The following KIAA1549L variants were observed in gnomAD, a reference collection of about 807,000 sequenced individuals.
The protein encoded by KIAA1549L is KIAA1549 like.
In KIAA1549L, 88 loss-of-function variants were observed where a neutral mutation model predicts 160.7. The ratio of observed to expected loss-of-function variants is 0.55; its 90% CI spans 0.46 to 0.65. The LOEUF (loss-of-function observed/expected upper bound fraction) is 0.65, where lower values mean the gene tolerates loss of function less well. Among genes scored for constraint, KIAA1549L ranks in the 30% least tolerant of loss-of-function variants. The probability of loss-of-function intolerance (pLI) is 0.00; values close to 1 mark genes in which losing one functional copy is unlikely to be tolerated. For missense variants in KIAA1549L, 2,258 were observed against 2,437.5 expected, an observed-to-expected ratio of 0.93 and a Z score of 1.55; for synonymous variants, 950 against 976.7, an observed-to-expected ratio of 0.97 and a Z score of 0.51.
At chr11:33,581,673 A>G (rs1053369180) in intron 10 of KIAA1549L, among the ~76,000 whole-genome samples, 7 of 152,132 alleles carry the variant, frequency 4.6e-5, no homozygotes, top group African/African-American at 7.2e-5. Flanking sequence ...AATTCTTGCA[A>G]TTTAAATAAC....
chr11:33,634,821 T>C (rs1294280909), intron 16 of KIAA1549L, among the ~76,000 whole-genome samples: 3 of 152,204 alleles, frequency 2.0e-5, no homozygotes, highest in Non-Finnish European at 4.4e-5. Flanking sequence ...ACCCTTTATA[T>C]GTCTTTTCTA....
At chr11:33,489,457 G>A (rs1186089300) in intron 1 of KIAA1549L, among the ~76,000 whole-genome samples, 1 of 152,174 alleles carries the variant, frequency 6.6e-6, no homozygotes, top group Non-Finnish European at 1.5e-5. Flanking sequence ...GAGAGTTAGG[G>A]CTTCAATGTA....
At chr11:33,412,167 T>C (rs1330034664) in intron 1 of KIAA1549L, among the ~76,000 whole-genome samples, 2 of 152,192 alleles carry the variant, frequency 1.3e-5, no homozygotes, top group African/African-American at 4.8e-5. Flanking sequence ...GGATTCTGAG[T>C]CTGTGTTATA....
chr11:33,460,431 CTT>C (rs772931972), intron 1 of KIAA1549L, among the ~76,000 whole-genome samples: 5 of 152,178 alleles, frequency 3.3e-5, no homozygotes, highest in Non-Finnish European at 7.3e-5. Flanking sequence ...AAACAATTCT[CTT>C]TGGTGGGACC....
chr11:33,604,860 T>TA (rs1409559089), intron 13 of KIAA1549L, among the ~76,000 whole-genome samples: 1 of 152,188 alleles, frequency 6.6e-6, no homozygotes, highest in Non-Finnish European at 1.5e-5. Context: ...ATACACTACT[T>TA]ACGTGACGGG....
chr11:33,565,790 G>A (rs1855029032), intron 8 of KIAA1549L, among the ~76,000 whole-genome samples: 1 of 151,804 alleles, frequency 6.6e-6, no homozygotes, highest in African/African-American at 2.4e-5. Flanking sequence ...GGCTGAGATG[G>A]GAGGATTGCT....
At chr11:33,394,090 T>C (rs985583310) in intron 1 of KIAA1549L, among the ~76,000 whole-genome samples, 1 of 152,134 alleles carries the variant, frequency 6.6e-6, no homozygotes, top group Admixed American at 6.6e-5. Context: ...TAAACACTTG[T>C]GGCTGGGCGC....
At chr11:33,377,431 C>T (rs1275825664) in intron 1 of KIAA1549L, among the ~76,000 whole-genome samples, 2 of 152,128 alleles carry the variant, frequency 1.3e-5, no homozygotes, top group African/African-American at 2.4e-5. Context: ...GTATATAATC[C>T]ACTGTTTGCA....
chr11:33,551,393 CCTGCTAATCA>C lies in KIAA1549L; in HGVS notation c.3721+135_3721+144del. ...TCCCTGTGAACCTTCTTCAAAGGGTCCTGCTAATCAAATGTCCCAGTTCCTTGCACATCAG... is the reference window on the plus strand; with the variant it reads ...TCCCTGTGAACCTTCTTCAAAGGGTCAATGTCCCAGTTCCTTGCACATCAG... On this transcript the variant is annotated intron_variant, in intron 5 of 20. Transcript: ENST00000658780. 6 of 715,510 alleles carry C rather than the reference CCTGCTAATCA, an allele frequency of 8.4e-6. No homozygotes were observed. The South Asian group carries it at 1.0e-4, about 12-fold the overall frequency. The allele number at this position is 715,510 out of a possible 1,614,324, so 44.3% of individuals were successfully genotyped here. A position where few individuals can be genotyped will look rare whatever the true frequency, so the allele number is the denominator to read the frequency against.
At chr11:33,632,068 G>C (rs995526631) in intron 16 of KIAA1549L, among the ~76,000 whole-genome samples, 7 of 152,176 alleles carry the variant, frequency 4.6e-5, no homozygotes, top group African/African-American at 1.7e-4. Context: ...TGTGAATGGT[G>C]GTTATCCACT....
chr11:33,549,713 A>C (rs1249374175), intron 4 of KIAA1549L, among the ~76,000 whole-genome samples: 1 of 152,214 alleles, frequency 6.6e-6, no homozygotes, highest in African/African-American at 2.4e-5. Flanking sequence ...CAGGTGTCAA[A>C]AACTTCCTGG....
At chr11:33,570,167 C>T (rs547658964) in intron 9 of KIAA1549L, among the ~76,000 whole-genome samples, 28 of 152,230 alleles carry the variant, frequency 1.8e-4, no homozygotes, top group African/African-American at 5.5e-4. Context: ...CCATGCCTAG[C>T]TAGTTTTTGT....
intron 6 of KIAA1549L, among the ~76,000 whole-genome samples, chr11:33,553,829 GC>G (rs2133203946): frequency 6.6e-6 from 1 of 152,288 alleles, no homozygotes; most frequent in African/African-American, 2.4e-5. Context: ...AAGATAAGCT[GC>G]CCTTGGCCTT....
chr11:33,589,697 T>A (rs931115078), intron 11 of KIAA1549L, among the ~76,000 whole-genome samples: 22 of 144,330 alleles, frequency 1.5e-4, no homozygotes, highest in African/African-American at 2.1e-4. Context: ...CACTCATAGG[T>A]GGGAATTGAA....
intron 10 of KIAA1549L, among the ~76,000 whole-genome samples, chr11:33,581,561 G>GC (rs1855646037): frequency 6.6e-6 from 1 of 152,126 alleles, no homozygotes; most frequent in South Asian, 2.1e-4. Context: ...TTCCTCATCA[G>GC]CATATTGGGG....
At chr11:33,596,998 G>A (rs529880380) in intron 12 of KIAA1549L, among the ~76,000 whole-genome samples, 3 of 152,200 alleles carry the variant, frequency 2.0e-5, no homozygotes, top group South Asian at 2.1e-4. Flanking sequence ...AGTTAGTACC[G>A]ATCCTTGTTT....
chr11:33,656,172 T>C, intron 18 of KIAA1549L, 63 bp downstream of exon 18: 1 of 1,275,746 alleles, frequency 7.8e-7, no homozygotes, highest in Non-Finnish European at 1.1e-6. Flanking sequence ...CTATGTACCC[T>C]GACCTGACAA....
At chr11:33,479,220 A>G (rs1299989378) in intron 1 of KIAA1549L, among the ~76,000 whole-genome samples, 1 of 152,198 alleles carries the variant, frequency 6.6e-6, no homozygotes, top group Non-Finnish European at 1.5e-5. Context: ...TTCCTGGGCT[A>G]GGTGCCTTCA....
At chr11:33,434,214 C>T (rs1331464777) in intron 1 of KIAA1549L, among the ~76,000 whole-genome samples, 4 of 152,006 alleles carry the variant, frequency 2.6e-5, no homozygotes, top group Admixed American at 6.6e-5. Context: ...ATCATGGGGG[C>T]AGTTTCTCCC....
Sources: gnomAD v4.1 joint callset for allele counts (sites outside exome capture counted in the v4.1 genomes callset) on GRCh38, gnomAD v4.1.1 for gene constraint, MANE v1.5 for transcripts, NCBI Gene and HGNC (gene_info 2026-07-23, HGNC 2026-07-21) for gene names.